Variants in ADCY8 observed in about 807,000 individuals in gnomAD.
ADCY8 encodes the protein adenylate cyclase 8.
ADCY8 carries 51 observed loss-of-function variants against 119.7 expected under a neutral mutation model. The observed-to-expected ratio is 0.43, with a 90% CI of 0.34 to 0.54. ADCY8 has a LOEUF of 0.54. ADCY8 is among the 20% of genes least tolerant of loss of function. ADCY8 has a pLI of 0.03. For synonymous variants in ADCY8, 665 were observed against 651.0 expected (o/e 1.02, Z -0.33); for missense variants, 1,383 against 1,598.8 (o/e 0.87, Z 2.30).
chr8:130,887,438 G>T (rs1477822511), intron 7 of ADCY8, among the ~76,000 whole-genome samples: 1 of 152,166 alleles, frequency 6.6e-6, no homozygotes, highest in Non-Finnish European at 1.5e-5. Context: ...ATGTGGTGGA[G>T]AATTCTTTTC....
chr8:130,840,072 G>C lies in ADCY8; in HGVS notation c.2503-3623C>G, dbSNP rs529641912. ...GGAGGTAAGAAAGAGAGAGGAGTCA[G>C]AGGTAGCACTAATATTTCCACTTTG... On this transcript the variant is annotated intron_variant, in intron 11 of 17. Transcript: ENST00000286355. 3.0e-4 allele frequency among the ~76,000 whole-genome samples: 42 copies of C among 139,960 alleles called. 9 individuals carry two copies. In the East Asian group the frequency reaches 6.7e-3, roughly 22 times the overall value. The allele number at this position is 139,960 out of a possible 152,430, so 91.8% of individuals were successfully genotyped here.
intron 5 of ADCY8, among the ~76,000 whole-genome samples, chr8:130,914,420 A>G (rs998364713): frequency 1.3e-5 from 2 of 152,192 alleles, no homozygotes; most frequent in African/African-American, 4.8e-5. Context: ...GATGATTTTT[A>G]TTTTCCTCTA....
intron 8 of ADCY8, among the ~76,000 whole-genome samples, chr8:130,881,887 A>C (rs1818787710): frequency 6.6e-6 from 1 of 150,506 alleles, no homozygotes; most frequent in Non-Finnish European, 1.5e-5. Flanking sequence ...GTGTGAATTC[A>C]TGCAGCAAAC....
chr8:130,860,183 A>T (rs1438549701), intron 9 of ADCY8, among the ~76,000 whole-genome samples: 1 of 152,142 alleles, frequency 6.6e-6, no homozygotes, highest in Non-Finnish European at 1.5e-5. Flanking sequence ...TCACATGCCT[A>T]TTTGGTATCT....
intron 9 of ADCY8, 62 bp downstream of exon 9, chr8:130,867,784 G>T: frequency 8.3e-7 from 1 of 1,201,940 alleles, no homozygotes; most frequent in South Asian, 1.4e-5. Context: ...TCAGCTGGCT[G>T]ACTCCACATG....
intron 5 of ADCY8, among the ~76,000 whole-genome samples, chr8:130,924,913 T>C (rs901911445): frequency 2.6e-5 from 4 of 151,888 alleles, no homozygotes; most frequent in African/African-American, 9.7e-5. Flanking sequence ...AGTTAGTGTT[T>C]AAGAAACTCA....
At chr8:130,894,516 G>C (rs1274429719) in intron 7 of ADCY8, among the ~76,000 whole-genome samples, 1 of 152,036 alleles carries the variant, frequency 6.6e-6, no homozygotes, top group African/African-American at 2.4e-5. Flanking sequence ...GGGGACTAAA[G>C]GTAACATAAA....
chr8:130,912,854 G>A (rs1563726142), intron 5 of ADCY8, among the ~76,000 whole-genome samples: 1 of 152,086 alleles, frequency 6.6e-6, no homozygotes, highest in Non-Finnish European at 1.5e-5. Context: ...AACTGTAGGA[G>A]CCATTTAAAA....
rs541118914 is a variant in ADCY8, at chr8:130,813,483, G to C, written c.2913+586C>G. Among the ~76,000 whole-genome samples the C allele has an allele frequency of 1.8e-4, 27 of 152,216 alleles. No individual in the cohort carries two copies. In the South Asian group the frequency reaches 5.4e-3, roughly 30 times the overall value. On this transcript the variant is annotated intron_variant, in intron 14 of 17. Coordinates refer to ENST00000286355, the MANE Select transcript of ADCY8 (RefSeq NM_001115.3). ...TACCTTATATAAGTGGAATAATATA[G>C]TATTTATTTTTTGCGAATGGCCCAT... is the stretch of plus-strand genomic sequence containing the variant.
rs1421254845 is a variant in ADCY8, at chr8:131,040,202, G to A, written c.132C>T (p.His44=). Residue 44 remains histidine (H), a synonymous_variant, in exon 1 of 18, where the codon CAC becomes CAT. Coordinates refer to ENST00000286355, the MANE Select transcript of ADCY8 (RefSeq NM_001115.3). The part of the protein sequence containing the change: ...QRLLWQTAVR[H]ITEQRFIHGH... ...CGTGAATGAAGCGCTGCTCCGTGAT[G>A]TGTCGCACCGCCGTCTGCCACAGCA... The A allele has an allele frequency of 6.5e-7, 1 of 1,536,292 alleles. No individual in the cohort carries two copies. The highest frequency in any genetic ancestry group is 2.4e-5 in the East Asian group (1 of 40,926).
chr8:130,906,643 A>C (rs1014552248), intron 6 of ADCY8, among the ~76,000 whole-genome samples: 1 of 152,102 alleles, frequency 6.6e-6, no homozygotes. Context: ...TGAAGATTGC[A>C]TTTCTTTCTA....
intron 7 of ADCY8, among the ~76,000 whole-genome samples, chr8:130,898,231 G>A (rs1255906776): frequency 1.3e-5 from 2 of 152,216 alleles, no homozygotes; most frequent in Non-Finnish European, 2.9e-5. Context: ...TCCCATTTGT[G>A]AAGTAGGCAC....
chr8:131,030,156 G>T (rs1823952956), intron 1 of ADCY8, among the ~76,000 whole-genome samples: 1 of 152,126 alleles, frequency 6.6e-6, no homozygotes, highest in South Asian at 2.1e-4. Flanking sequence ...GTTTGTGTGG[G>T]GATGGGTTGC....
At chr8:130,944,562 G>C (rs1233631531) in intron 3 of ADCY8, among the ~76,000 whole-genome samples, 4 of 152,136 alleles carry the variant, frequency 2.6e-5, no homozygotes, top group Non-Finnish European at 5.9e-5. Context: ...ACTTACATCA[G>C]TCACCACATT....
intron 5 of ADCY8, among the ~76,000 whole-genome samples, chr8:130,918,754 C>T (rs956217397): frequency 2.6e-5 from 4 of 152,154 alleles, no homozygotes; most frequent in African/African-American, 9.7e-5. Flanking sequence ...AACCTCTAAT[C>T]CAGTGCTATA....
At chr8:130,820,899 G>A (rs549782205) in intron 13 of ADCY8, among the ~76,000 whole-genome samples, 1 of 152,332 alleles carries the variant, frequency 6.6e-6, no homozygotes, top group South Asian at 2.1e-4. Flanking sequence ...TTATTTTAGA[G>A]TTGAGGAAAC....
At chr8:130,979,434 T>G (rs2130720662) in intron 2 of ADCY8, among the ~76,000 whole-genome samples, 1 of 152,358 alleles carries the variant, frequency 6.6e-6, no homozygotes, top group Non-Finnish European at 1.5e-5. Context: ...TTCAGTAACA[T>G]GAGGCAATAT....
chr8:130,813,769 A>G (rs1337146330), intron 14 of ADCY8, among the ~76,000 whole-genome samples: 1 of 152,200 alleles, frequency 6.6e-6, no homozygotes, highest in African/African-American at 2.4e-5. Context: ...GTGTATATAT[A>G]CATACATACG....
intron 2 of ADCY8, among the ~76,000 whole-genome samples, chr8:130,972,842 T>TG (rs1412762386): frequency 0.01 from 1 of 98 alleles, no homozygotes; most frequent in East Asian, 0.1. Flanking sequence ...TCAGCATCAG[T>TG]TTTTTTTTCC....
Sources: allele counts gnomAD v4.1 joint callset (sites outside exome capture counted in the v4.1 genomes callset), GRCh38; gene constraint gnomAD v4.1.1; transcripts MANE v1.5; gene names NCBI Gene and HGNC (gene_info 2026-07-23, HGNC 2026-07-21).